CCNT1: variants seen among roughly 807,000 people sequenced by gnomAD.
CCNT1 encodes the protein cyclin-T1.
CCNT1 carries 18 observed loss-of-function variants against 67.3 expected under a neutral mutation model. The ratio of observed to expected loss-of-function variants is 0.27; its 90% CI spans 0.18 to 0.40. The LOEUF (loss-of-function observed/expected upper bound fraction) is 0.40. CCNT1 is among the 10% of genes least tolerant of loss of function. The probability of loss-of-function intolerance (pLI) is 1.00; values close to 1 mark genes in which losing one functional copy is unlikely to be tolerated. For missense variants in CCNT1, 744 were observed against 884.9 expected (o/e 0.84, Z 2.02); for synonymous variants, 333 against 310.3 (o/e 1.07, Z -0.77).
At chr12:48,700,976 T>C (rs1459561405) in intron 4 of CCNT1, 37 bp downstream of exon 4, 1 of 1,247,252 alleles carries the variant, frequency 8.0e-7, no homozygotes, top group Non-Finnish European at 1.1e-6. Context: ...TTTTATTGCA[T>C]AATTTAAAAA....
chr12:48,703,970 T>C (rs1453778713), intron 3 of CCNT1, among the ~76,000 whole-genome samples: 1 of 152,204 alleles, frequency 6.6e-6, no homozygotes, highest in Non-Finnish European at 1.5e-5. Flanking sequence ...TATAGTGATT[T>C]TAAAAGCTAG....
intron 2 of CCNT1, among the ~76,000 whole-genome samples, chr12:48,710,053 G>A (rs750683229): frequency 6.6e-5 from 10 of 151,942 alleles, no homozygotes; most frequent in African/African-American, 1.5e-4. Context: ...CACCATGCCC[G>A]GCTGATTTTT....
chr12:48,707,607 G>A (rs1321713101), intron 2 of CCNT1, among the ~76,000 whole-genome samples: 1 of 151,870 alleles, frequency 6.6e-6, no homozygotes, highest in African/African-American at 2.4e-5. Context: ...TGACACTAAA[G>A]ATTTTGAAAA....
In CCNT1 at chr12:48,690,435, T is replaced by C. The variant is rs1004964442; in HGVS notation, c.*2598A>G. ...ACACAGCCCTTAAAAACCTTAAGTT[T>C]ATGGAATTTGGACAATACACATGCT... On this transcript the variant is annotated 3_prime_UTR_variant, in exon 9 of 9. Coordinates refer to ENST00000261900, the MANE Select transcript of CCNT1 (RefSeq NM_001240.4). The C allele has an allele frequency of 6.6e-6, 1 of 152,384 alleles. No individual in the cohort carries two copies. Among genetic ancestry groups the C allele is most frequent in the African/African-American group, 2.4e-5 (1 of 41,444 alleles). The allele number at this position is 152,384 out of a possible 1,614,324, so 9.4% of individuals were successfully genotyped here.
At chr12:48,711,934 A>T (rs1323389222) in intron 2 of CCNT1, among the ~76,000 whole-genome samples, 1 of 151,942 alleles carries the variant, frequency 6.6e-6, no homozygotes, top group African/African-American at 2.4e-5. Context: ...CTGGGACTAC[A>T]GGCGCCCACC....
intron 2 of CCNT1, among the ~76,000 whole-genome samples, chr12:48,708,057 T>C (rs1482392594): frequency 1.3e-5 from 2 of 151,218 alleles, no homozygotes; most frequent in Non-Finnish European, 3.0e-5. Flanking sequence ...AACAGAGCCA[T>C]ACTGTCTCAA....
chr12:48,695,487 C>T (rs1940156109), intron 8 of CCNT1, among the ~76,000 whole-genome samples: 1 of 152,116 alleles, frequency 6.6e-6, no homozygotes, highest in South Asian at 2.1e-4. Flanking sequence ...CATGTTTTTT[C>T]CCTACCAGTT....
At chr12:48,711,781 C>T (rs917332279) in intron 2 of CCNT1, among the ~76,000 whole-genome samples, 1 of 152,020 alleles carries the variant, frequency 6.6e-6, no homozygotes, top group Non-Finnish European at 1.5e-5. Flanking sequence ...CTGGGTGGAT[C>T]ATCAGCAAAA....
Position 48,693,568 on chromosome 12 carries a change from C to A in CCNT1, c.1646G>T (p.Ser549Ile), listed in dbSNP as rs1300020596. 2 of 1,614,150 alleles carry A rather than the reference C, an allele frequency of 1.2e-6. No homozygotes were observed. Among genetic ancestry groups the A allele is most frequent in the East Asian group, 2.2e-5 (1 of 44,878 alleles). ...NKRPGDPKHS[S>I]QTSNLAHKTY... is the part of the protein sequence containing the mutation. ...TTTATGTGCTAAGTTGCTTGTCTGG[C>A]TACTATGTTTTGGATCACCAGGACG... The change falls in exon 9 of 9, where the codon AGC becomes ATC. Residue 549 changes from serine to isoleucine, a missense_variant. This residue lies in a region of CCNT1 where 564 missense variants were observed against 574.2 expected (regional missense o/e 0.98). Coordinates refer to ENST00000261900, the MANE Select transcript of CCNT1 (RefSeq NM_001240.4).
At position 48,689,609 on chromosome 12, in the gene CCNT1, C is replaced by T. The variant is rs1940041082; in HGVS notation, c.*3424G>A. 6.6e-6 allele frequency: 1 copy of T among 152,194 alleles called. No homozygotes were observed. Among genetic ancestry groups the T allele is most frequent in the Non-Finnish European group, 1.5e-5 (1 of 68,034 alleles). 9.4% of individuals were successfully genotyped at this position (152,194 alleles called of 1,614,324 possible). A position where few individuals can be genotyped will look rare whatever the true frequency, so the allele number is the denominator to read the frequency against. ...CAAAAGAATAAAATTTGTATTTCAA[C>T]TGCAAGATGTTCTAGATTCTCTCTT... On this transcript the variant is annotated 3_prime_UTR_variant, in exon 9 of 9. Coordinates refer to ENST00000261900, the MANE Select transcript of CCNT1 (RefSeq NM_001240.4).
chr12:48,714,261 A>G (rs555034350), intron 2 of CCNT1, among the ~76,000 whole-genome samples, 182 bp downstream of exon 2: 1 of 152,306 alleles, frequency 6.6e-6, no homozygotes, highest in East Asian at 1.9e-4. Context: ...CTAGACAAGT[A>G]GACACTTAAC....
chr12:48,694,894 G>A (rs999166073), intron 8 of CCNT1, among the ~76,000 whole-genome samples: 1 of 152,030 alleles, frequency 6.6e-6, no homozygotes, highest in Non-Finnish European at 1.5e-5. Context: ...GCACAATCTC[G>A]GCTCACTGCA....
chr12:48,698,367 TTTTTAA>T (rs1435684478), intron 5 of CCNT1, among the ~76,000 whole-genome samples, 184 bp from the exon 6 acceptor site: 1 of 152,312 alleles, frequency 6.6e-6, no homozygotes, highest in Admixed American at 6.5e-5. Flanking sequence ...AGATCAATGA[TTTTTAA>T]TTTTAACATT....
chr12:48,711,017 C>T (rs1037693155), intron 2 of CCNT1, among the ~76,000 whole-genome samples: 11 of 151,510 alleles, frequency 7.3e-5, no homozygotes, highest in Admixed American at 3.9e-4. Flanking sequence ...GCTGAGATCG[C>T]GCAGCCACTG....
At chr12:48,705,451 A>T (rs1281993294) in intron 3 of CCNT1, among the ~76,000 whole-genome samples, 1 of 151,202 alleles carries the variant, frequency 6.6e-6, no homozygotes, top group African/African-American at 2.4e-5. Flanking sequence ...CTTTTTTTTA[A>T]ATATAGAGAC....
In CCNT1 at chr12:48,692,587, T is replaced by G. The variant is rs924718565; in HGVS notation, c.*446A>C. 11 of 156,502 alleles carry G rather than the reference T, an allele frequency of 7.0e-5. No homozygotes were observed. Among genetic ancestry groups the G allele is most frequent in the Non-Finnish European group, 1.1e-4 (8 of 70,702 alleles). The allele number at this position is 156,502 out of a possible 1,614,324, so 9.7% of individuals were successfully genotyped here. ...TATATAAAAAAACTAAACAGATAACTTACTTTCTTTAAATTATTAAGTCTA... is the reference window on the plus strand; with the variant it reads ...TATATAAAAAAACTAAACAGATAACGTACTTTCTTTAAATTATTAAGTCTA... On this transcript the variant is annotated 3_prime_UTR_variant, in exon 9 of 9. Coordinates refer to ENST00000261900, the MANE Select transcript of CCNT1 (RefSeq NM_001240.4).
rs1288926072 is a variant in CCNT1 at position 48,697,534 on chromosome 12, A to AAAT, written c.542+603_542+604insATT. 3.9e-3 allele frequency among the ~76,000 whole-genome samples: 509 copies of AAAT among 130,628 alleles called. 1 individual carries two copies. The highest frequency in any genetic ancestry group is 6.7e-3 in the African/African-American group (220 of 32,940). 85.7% of individuals were successfully genotyped at this position (130,628 alleles called of 152,430 possible). ...TGAGACTCTGTCTTAAAAAAAAAAA[A>AAAT]ATATATATATATATATATATATATG... On this transcript the variant is annotated intron_variant, in intron 6 of 8. Transcript: ENST00000261900.
intron 3 of CCNT1, 53 bp from the exon 4 acceptor site, chr12:48,701,126 A>G (rs1238019354): frequency 1.9e-6 from 2 of 1,044,530 alleles, no homozygotes; most frequent in Middle Eastern, 2.1e-4. Context: ...TATATAAAGT[A>G]TAAACAATTC....
intron 3 of CCNT1, among the ~76,000 whole-genome samples, chr12:48,702,275 C>T (rs1452753471): frequency 6.6e-6 from 1 of 152,216 alleles, no homozygotes; most frequent in African/African-American, 2.4e-5. Context: ...TAATACCAAA[C>T]ATTTGGCTCC....
Sources: allele counts gnomAD v4.1 joint callset (sites outside exome capture counted in the v4.1 genomes callset), GRCh38; gene constraint gnomAD v4.1.1; regional missense constraint gnomAD v4.1.1; transcripts MANE v1.5; gene names NCBI Gene and HGNC (gene_info 2026-07-23, HGNC 2026-07-21).